NTRK3: variants seen among roughly 807,000 people sequenced by gnomAD.
NTRK3 encodes NT-3 growth factor receptor.
Under a neutral mutation model 91.7 loss-of-function variants are expected in NTRK3, and 24 were observed. The ratio of observed to expected loss-of-function variants is 0.26; its 90% CI spans 0.19 to 0.37. NTRK3 has a LOEUF of 0.37. NTRK3 is among the 10% of genes least tolerant of loss of function. The pLI, the probability that NTRK3 is intolerant of heterozygous loss-of-function variation, is 1.00. For missense variants in NTRK3, 880 were observed against 1,068.9 expected, an observed-to-expected ratio of 0.82 and a Z score of 2.46; for synonymous variants, 483 against 404.0, an observed-to-expected ratio of 1.20 and a Z score of -2.34.
chr15:88,153,705 C>A (rs1476857085), intron 5 of NTRK3, among the ~76,000 whole-genome samples: 1 of 151,950 alleles, frequency 6.6e-6, no homozygotes, highest in Non-Finnish European at 1.5e-5. Context: ...ATCAATGGGG[C>A]AGCAGATTCA....
chr15:87,864,384 G>A, exon 19 of NTRK3: 1 of 231,362 alleles, frequency 4.3e-6, no homozygotes, highest in Non-Finnish European at 8.6e-6. Context: ...CTCAGAGAAG[G>A]GGCAGATGGT....
At chr15:88,220,422 G>A (rs1012782994) in intron 3 of NTRK3, among the ~76,000 whole-genome samples, 8 of 152,128 alleles carry the variant, frequency 5.3e-5, no homozygotes, top group African/African-American at 9.7e-5. Flanking sequence ...GAGAGAAAAC[G>A]CCATGGGCTT....
At chr15:88,232,365 G>A (rs1489793540) in intron 3 of NTRK3, among the ~76,000 whole-genome samples, 2 of 151,664 alleles carry the variant, frequency 1.3e-5, no homozygotes, top group African/African-American at 4.9e-5. Context: ...CCCAGACCTA[G>A]TTTATTCCTC....
chr15:88,120,459 AG>A (rs2052580573), intron 13 of NTRK3, among the ~76,000 whole-genome samples: 1 of 152,220 alleles, frequency 6.6e-6, no homozygotes, highest in Admixed American at 6.5e-5. Context: ...TTAGGAAGAA[AG>A]GCAAGTGGTT....
At chr15:87,910,529 A>G (rs2141732280) in intron 17 of NTRK3, among the ~76,000 whole-genome samples, 1 of 152,370 alleles carries the variant, frequency 6.6e-6, no homozygotes, top group African/African-American at 2.4e-5. Flanking sequence ...TGAACTCTCC[A>G]GGGGAGGCTT....
At chr15:87,921,705 G>A (rs186913674) in intron 17 of NTRK3, among the ~76,000 whole-genome samples, 3 of 152,132 alleles carry the variant, frequency 2.0e-5, no homozygotes, top group Non-Finnish European at 2.9e-5. Flanking sequence ...CTGATTTTGG[G>A]GACTGCGCAT....
chr15:88,121,871 T>C (rs2052745385), intron 13 of NTRK3, among the ~76,000 whole-genome samples: 1 of 152,198 alleles, frequency 6.6e-6, no homozygotes, highest in Non-Finnish European at 1.5e-5. Context: ...AGCACCATCT[T>C]AAAACCTTTG....
exon 19 of NTRK3, chr15:87,873,533 C>T (rs2064878465): frequency 4.3e-6 from 1 of 231,622 alleles, no homozygotes; most frequent in African/African-American, 2.2e-5. Context: ...CTGGAGCGTT[C>T]ATCAAAAGAC....
intron 8 of NTRK3, 50 bp downstream of exon 8, chr15:88,136,417 G>A (rs1347476232): frequency 3.7e-6 from 6 of 1,612,782 alleles, no homozygotes; most frequent in East Asian, 4.5e-5. Flanking sequence ...CAAGACTACA[G>A]TGTGATCACT....
chr15:88,165,356 T>C (rs1362802423), intron 5 of NTRK3, among the ~76,000 whole-genome samples: 1 of 152,214 alleles, frequency 6.6e-6, no homozygotes, highest in Non-Finnish European at 1.5e-5. Flanking sequence ...AAGTCTTGCA[T>C]TGAACAGGGT....
At chr15:87,897,524 T>C (rs903956882) in intron 17 of NTRK3, among the ~76,000 whole-genome samples, 1 of 152,120 alleles carries the variant, frequency 6.6e-6, no homozygotes, top group African/African-American at 2.4e-5. Context: ...CTCAAGTCAC[T>C]CAACAAAGCT....
intron 5 of NTRK3, among the ~76,000 whole-genome samples, chr15:88,149,539 T>G (rs2043186093): frequency 6.6e-6 from 1 of 152,224 alleles, no homozygotes; most frequent in Non-Finnish European, 1.5e-5. Flanking sequence ...CCATCCATCA[T>G]GCTCAGCTCC....
At chr15:87,961,696 G>T (rs1478949935) in intron 14 of NTRK3, among the ~76,000 whole-genome samples, 2 of 152,266 alleles carry the variant, frequency 1.3e-5, no homozygotes, top group Non-Finnish European at 2.9e-5. Flanking sequence ...AGCTGCAGCA[G>T]GTCCTGCCCA....
chr15:88,185,185 C>A (rs1201103424), intron 3 of NTRK3, among the ~76,000 whole-genome samples: 1 of 152,200 alleles, frequency 6.6e-6, no homozygotes, highest in Non-Finnish European at 1.5e-5. Flanking sequence ...AAGCACACTA[C>A]ATCTATTAAC....
At chr15:87,954,530 T>G (rs1379890561) in intron 14 of NTRK3, among the ~76,000 whole-genome samples, 3 of 152,186 alleles carry the variant, frequency 2.0e-5, no homozygotes, top group Non-Finnish European at 2.9e-5. Context: ...CAGAATGAGT[T>G]AGGAAATCCA....
intron 10 of NTRK3, among the ~76,000 whole-genome samples, chr15:88,129,340 G>T (rs1370660458): frequency 2.0e-5 from 3 of 152,194 alleles, no homozygotes; most frequent in Non-Finnish European, 4.4e-5. Flanking sequence ...GGTGTTAAAT[G>T]CTTCATGTAG....
At chr15:88,135,932 T>A (rs774328292) in exon 9 of NTRK3, 26 of 1,614,242 alleles carry the variant, frequency 1.6e-5, no homozygotes, top group Non-Finnish European at 2.1e-5. Context: ...GCATTGCTCA[T>A]GCCCACCACG....
intron 17 of NTRK3, among the ~76,000 whole-genome samples, chr15:87,910,049 C>T (rs529783236): frequency 8.0e-4 from 122 of 152,216 alleles, no homozygotes; most frequent in African/African-American, 2.6e-3. Context: ...GCTGGGCCAC[C>T]GGGGACAGAC....
intron 13 of NTRK3, among the ~76,000 whole-genome samples, chr15:88,080,599 C>T (rs1343453147): frequency 2.0e-5 from 3 of 152,236 alleles, no homozygotes; most frequent in Non-Finnish European, 2.9e-5. Flanking sequence ...ACTCCAAAAG[C>T]CACCCTGGGC....
Sources: gnomAD v4.1 joint callset for allele counts (sites outside exome capture counted in the v4.1 genomes callset) on GRCh38, gnomAD v4.1.1 for gene constraint, MANE v1.5 for transcripts, NCBI Gene and HGNC (gene_info 2026-07-23, HGNC 2026-07-21) for gene names.